Variants in SCFD2 observed in about 807,000 individuals in gnomAD.
SCFD2 encodes sec1 family domain-containing protein 2.
Under a neutral mutation model 58.9 loss-of-function variants are expected in SCFD2, and 54 were observed. The observed-to-expected ratio is 0.92, with a 90% CI of 0.74 to 1.15. The LOEUF is 1.15. Ranked by LOEUF, SCFD2 falls within the 50% of genes most tolerant of loss-of-function variation. SCFD2 has a pLI of 0.00. For missense variants in SCFD2, 805 were observed against 836.6 expected (o/e 0.96, Z 0.47); for synonymous variants, 321 against 335.9 (o/e 0.96, Z 0.49).
chr4:53,052,968 T>A (rs539461502), intron 5 of SCFD2, among the ~76,000 whole-genome samples: 1 of 152,140 alleles, frequency 6.6e-6, no homozygotes, highest in Non-Finnish European at 1.5e-5. Flanking sequence ...ATGCCTGTAA[T>A]CCCAGCACAT....
intron 6 of SCFD2, among the ~76,000 whole-genome samples, chr4:52,909,231 G>A (rs114858700): frequency 6.6e-6 from 1 of 152,168 alleles, no homozygotes; most frequent in South Asian, 2.1e-4. Context: ...GCTCATGTAT[G>A]CAAATGAGAT....
chr4:52,993,676 C>T (rs893901850), intron 5 of SCFD2, among the ~76,000 whole-genome samples: 1 of 152,186 alleles, frequency 6.6e-6, no homozygotes, highest in Non-Finnish European at 1.5e-5. Context: ...TCCACTCATA[C>T]CAGGCAAAAG....
intron 7 of SCFD2, among the ~76,000 whole-genome samples, chr4:52,893,428 C>T (rs1360705605): frequency 6.6e-6 from 1 of 152,188 alleles, no homozygotes; most frequent in African/African-American, 2.4e-5. Flanking sequence ...GCATGTTCAG[C>T]TCTCACCATC....
At chr4:53,255,236 A>C (rs1216459596) in intron 4 of SCFD2, among the ~76,000 whole-genome samples, 1 of 57,728 alleles carries the variant, frequency 1.7e-5, no homozygotes, top group African/African-American at 5.4e-5. Context: ...TTTTTTATGG[A>C]TCATTCTTGG....
At chr4:53,181,140 T>G (rs1254260890) in intron 4 of SCFD2, among the ~76,000 whole-genome samples, 1 of 152,156 alleles carries the variant, frequency 6.6e-6, no homozygotes, top group Non-Finnish European at 1.5e-5. Context: ...GAGGGAATCC[T>G]CCCTAACTCA....
chr4:53,302,528 A>C (rs1327465706), intron 3 of SCFD2, among the ~76,000 whole-genome samples: 1 of 152,188 alleles, frequency 6.6e-6, no homozygotes, highest in Non-Finnish European at 1.5e-5. Flanking sequence ...ATACTGCCCA[A>C]GGTAATTTAT....
chr4:52,936,433 T>G (rs79119452), intron 5 of SCFD2, among the ~76,000 whole-genome samples: 70 of 152,282 alleles, frequency 4.6e-4, no homozygotes, highest in Non-Finnish European at 8.8e-4. Context: ...GTCTCTGCCA[T>G]TGAAATATGG....
chr4:53,303,053 T>C (rs1215844798), intron 3 of SCFD2, among the ~76,000 whole-genome samples: 1 of 152,210 alleles, frequency 6.6e-6, no homozygotes, highest in Non-Finnish European at 1.5e-5. Flanking sequence ...AAGGACTTCA[T>C]GTCTGAAACA....
chr4:53,173,860 G>A (rs915439254), intron 4 of SCFD2, among the ~76,000 whole-genome samples: 4 of 152,012 alleles, frequency 2.6e-5, no homozygotes, highest in Non-Finnish European at 5.9e-5. Context: ...TACTCCCCAC[G>A]CTCATACCAT....
At chr4:53,053,897 T>C (rs534276966) in intron 5 of SCFD2, among the ~76,000 whole-genome samples, 14 of 152,322 alleles carry the variant, frequency 9.2e-5, no homozygotes, top group Admixed American at 5.9e-4. Flanking sequence ...ATCAGTATAA[T>C]TGGAATATTT....
chr4:53,335,839 G>C (rs546548689), intron 2 of SCFD2, among the ~76,000 whole-genome samples: 1 of 152,278 alleles, frequency 6.6e-6, no homozygotes, highest in East Asian at 1.9e-4. Flanking sequence ...TAAATGTAAA[G>C]AGGAAATGCA....
intron 5 of SCFD2, among the ~76,000 whole-genome samples, chr4:53,011,215 A>C (rs982929207): frequency 6.6e-6 from 1 of 152,148 alleles, no homozygotes; most frequent in Non-Finnish European, 1.5e-5. Context: ...CTTCATCCTA[A>C]ATCTCTGTGC....
At chr4:53,058,388 T>C (rs903880946) in intron 5 of SCFD2, among the ~76,000 whole-genome samples, 1 of 152,118 alleles carries the variant, frequency 6.6e-6, no homozygotes, top group Non-Finnish European at 1.5e-5. Flanking sequence ...GACAACTATA[T>C]AGTTAACTGT....
intron 4 of SCFD2, among the ~76,000 whole-genome samples, chr4:53,225,076 A>G (rs1253257719): frequency 2.0e-5 from 3 of 152,194 alleles, no homozygotes; most frequent in African/African-American, 4.8e-5. Flanking sequence ...TATTATAAAT[A>G]AAAACCATAA....
chr4:53,219,325 C>T (rs1327989301), intron 4 of SCFD2, among the ~76,000 whole-genome samples: 2 of 152,208 alleles, frequency 1.3e-5, no homozygotes, highest in Non-Finnish European at 1.5e-5. Context: ...CCTACTCAAG[C>T]GTCAGCAATG....
intron 5 of SCFD2, among the ~76,000 whole-genome samples, chr4:53,117,232 C>T (rs547852001): frequency 6.6e-6 from 1 of 152,238 alleles, no homozygotes; most frequent in East Asian, 1.9e-4. Context: ...TTTAACCTAC[C>T]ACTTCCTGTG....
intron 7 of SCFD2, among the ~76,000 whole-genome samples, chr4:52,887,587 G>C (rs1645131431): frequency 6.6e-6 from 1 of 152,160 alleles, no homozygotes. Context: ...GGGTGGAGCG[G>C]GACAGGGAGG....
chr4:53,256,439 G>A (rs1730635478), intron 4 of SCFD2, among the ~76,000 whole-genome samples: 1 of 151,836 alleles, frequency 6.6e-6, no homozygotes, highest in East Asian at 2.0e-4. Flanking sequence ...CAGACGATGG[G>A]CGACCAGGCA....
intron 4 of SCFD2, among the ~76,000 whole-genome samples, chr4:53,242,551 C>G (rs933038920): frequency 1.3e-5 from 2 of 152,234 alleles, no homozygotes. Context: ...TGCAAGAACT[C>G]TGACCACTCA....
Sources: allele counts gnomAD v4.1 joint callset (sites outside exome capture counted in the v4.1 genomes callset), GRCh38; gene constraint gnomAD v4.1.1; transcripts MANE v1.5; gene names NCBI Gene and HGNC (gene_info 2026-07-23, HGNC 2026-07-21).